The following USP40 variants were observed in gnomAD, a reference collection of about 807,000 sequenced individuals.
USP40 encodes ubiquitin specific peptidase 40.
USP40 carries 143 observed loss-of-function variants against 166.2 expected under a neutral mutation model. The ratio of observed to expected loss-of-function variants is 0.86; its 90% CI spans 0.75 to 0.99. The LOEUF (loss-of-function observed/expected upper bound fraction) is 0.99. Among genes scored for constraint, USP40 ranks in the 50% least tolerant of loss-of-function variants. The probability of loss-of-function intolerance (pLI) is 0.00; values close to 1 mark genes in which losing one functional copy is unlikely to be tolerated. For missense variants in USP40, 1,444 were observed against 1,479.7 expected (o/e 0.98, Z 0.40); for synonymous variants, 498 against 524.0 (o/e 0.95, Z 0.68).
At chr2:233,532,292 G>T (rs908020022) in intron 11 of USP40, among the ~76,000 whole-genome samples, 2 of 152,172 alleles carry the variant, frequency 1.3e-5, no homozygotes, top group Admixed American at 1.3e-4. Flanking sequence ...GTGTAACGTT[G>T]TAACTTCAAC....
intron 24 of USP40, among the ~76,000 whole-genome samples, chr2:233,494,848 A>C (rs1367618123): frequency 7.0e-6 from 1 of 143,232 alleles, no homozygotes; most frequent in Non-Finnish European, 1.5e-5. Flanking sequence ...AAAAACCAAA[A>C]AAAAAACTGT....
intron 18 of USP40, among the ~76,000 whole-genome samples, chr2:233,513,705 T>C (rs984156009): frequency 6.6e-6 from 1 of 152,226 alleles, no homozygotes; most frequent in African/African-American, 2.4e-5. Flanking sequence ...GGTGATTTTA[T>C]GCTTATTAAA....
chr2:233,539,286 G>T (rs1241947236), intron 10 of USP40, among the ~76,000 whole-genome samples: 1 of 151,240 alleles, frequency 6.6e-6, no homozygotes, highest in Admixed American at 6.6e-5. Flanking sequence ...CTTGTGAAAT[G>T]CTACATCCAA....
chr2:233,491,248 G>A lies in USP40; in HGVS notation c.2931C>T (p.Asn977=), dbSNP rs752845828. 1.7e-5 allele frequency: 28 copies of A among 1,611,406 alleles called. No individual in the cohort carries two copies. The highest frequency in any genetic ancestry group is 2.2e-5 in the East Asian group (1 of 44,860). The change falls in exon 26 of 32, where the codon AAC becomes AAT. Residue 977 remains asparagine, a synonymous_variant. Coordinates refer to ENST00000678225, the MANE Select transcript of USP40 (RefSeq NM_001365479.2). The stretch of plus-strand genomic sequence containing the variant: ...AGAGGAGAGAAACTTGCGCAGGCTC[G>A]TTCCCAGAAGCACCTTCCAAAGGAC... ...RATSSQGASG[N]EPAQVSLLYL...
In USP40 at chr2:233,523,048, T is replaced by C; in HGVS notation, c.2201+122A>G. On this transcript the variant is annotated intron_variant, in intron 16 of 31. Transcript: ENST00000678225. ...ATTCCTGTATGCAATATTTAGAACA[T>C]AATGTCTAGAAATAAAGAAACATTC... The C allele has an allele frequency of 1.6e-5, 18 of 1,106,786 alleles. No individual in the cohort carries two copies. The South Asian group carries it at 2.4e-4, about 15-fold the overall frequency. 68.6% of individuals were successfully genotyped at this position (1,106,786 alleles called of 1,614,324 possible).
chr2:233,496,096 T>C (rs1362289021), intron 24 of USP40, among the ~76,000 whole-genome samples: 2 of 151,996 alleles, frequency 1.3e-5, no homozygotes, highest in Non-Finnish European at 2.9e-5. Context: ...GGTGTAGGAG[T>C]GATTTCTGCT....
At chr2:233,534,698 G>C (rs1351341987) in intron 10 of USP40, among the ~76,000 whole-genome samples, 1 of 152,186 alleles carries the variant, frequency 6.6e-6, no homozygotes, top group Non-Finnish European at 1.5e-5. Flanking sequence ...CTTGCAGCTA[G>C]TTTGTTTAAG....
At position 233,476,946 on chromosome 2, in the gene USP40, C is replaced by G. The variant is rs2064208612; in HGVS notation, c.*446G>C. 1.4e-5 allele frequency: 4 copies of G among 293,784 alleles called. No homozygotes were observed. The highest frequency in any genetic ancestry group is 9.7e-5 in the South Asian group (3 of 31,078). The allele number at this position is 293,784 out of a possible 1,614,324, so 18.2% of individuals were successfully genotyped here. On this transcript the variant is annotated 3_prime_UTR_variant, in exon 32 of 32. Transcript: ENST00000678225. ...CAGCACCAGCGCGGTGGCGCAGTGG[C>G]CTGAGACACTGTGAGAAGCCGGTCA...
chr2:233,529,404 C>T, intron 12 of USP40, 27 bp downstream of exon 12: 1 of 1,539,662 alleles, frequency 6.5e-7, no homozygotes, highest in Non-Finnish European at 8.8e-7. Context: ...GAATACTAGT[C>T]AAACTCTAAA....
chr2:233,481,608 T>C (rs2064597189), intron 30 of USP40: 1 of 383,870 alleles, frequency 2.6e-6, no homozygotes, highest in Non-Finnish European at 4.8e-6. Context: ...ACAGAGATCA[T>C]CCACATCAGC....
intron 30 of USP40, chr2:233,481,612 C>T (rs1416379140): frequency 2.7e-6 from 1 of 368,876 alleles, no homozygotes; most frequent in African/African-American, 2.1e-5. Flanking sequence ...AGATCATCCA[C>T]ATCAGCACAC....
Position 233,498,529 on chromosome 2 carries a change from T to A in USP40, c.2715+19A>T, listed in dbSNP as rs750144689. 3.1e-6 allele frequency: 5 copies of A among 1,604,840 alleles called. No individual in the cohort carries two copies. In the Admixed American group the frequency reaches 8.6e-5, roughly 27 times the overall value. ...TAAATGTAATCATACGAAAGTACAA[T>A]GTATAGAAATCATCTTACTTCTTCA... On this transcript the variant is annotated intron_variant, in intron 23 of 31. Coordinates refer to ENST00000678225, the MANE Select transcript of USP40 (RefSeq NM_001365479.2).
chr2:233,499,952 T>G (rs750517366), intron 21 of USP40, 37 bp from the exon 22 acceptor site: 1 of 1,596,978 alleles, frequency 6.3e-7, no homozygotes, highest in Non-Finnish European at 8.6e-7. Context: ...TAGTTTTCTG[T>G]TTCTGAGTTA....
At chr2:233,550,221 A>G (rs1254553186) in intron 7 of USP40, among the ~76,000 whole-genome samples, 1 of 152,136 alleles carries the variant, frequency 6.6e-6, no homozygotes, top group Admixed American at 6.6e-5. Flanking sequence ...TACAGGCAAA[A>G]GACAAGGTGT....
intron 28 of USP40, chr2:233,487,822 C>G (rs560738030): frequency 6.9e-5 from 27 of 393,964 alleles, no homozygotes; most frequent in South Asian, 4.9e-4. Flanking sequence ...GAGACAGATA[C>G]TAACAAATAA....
chr2:233,559,309 G>C (rs1479588118), intron 4 of USP40, among the ~76,000 whole-genome samples: 1 of 152,186 alleles, frequency 6.6e-6, no homozygotes, highest in East Asian at 1.9e-4. Flanking sequence ...AAAAAGACCT[G>C]CCAAGAACCA....
At chr2:233,528,136 G>T (rs2068197891) in intron 12 of USP40, among the ~76,000 whole-genome samples, 1 of 152,048 alleles carries the variant, frequency 6.6e-6, no homozygotes, top group Non-Finnish European at 1.5e-5. Flanking sequence ...GTGCCACCAT[G>T]CCTGGCTAAT....
In USP40 at chr2:233,556,753, G is replaced by A. The variant is rs1029416843; in HGVS notation, c.546+102C>T. On this transcript the variant is annotated intron_variant, in intron 5 of 31. Coordinates refer to ENST00000678225, the MANE Select transcript of USP40 (RefSeq NM_001365479.2). ...AAAAAAACTCAATAAATTACTTTTA[G>A]TAATAAACACTTTAATCCTTGTGTG... The A allele has an allele frequency of 6.3e-6, 7 of 1,113,138 alleles. No homozygotes were observed. In the Admixed American group the frequency reaches 1.1e-4, roughly 17 times the overall value. 69.0% of individuals were successfully genotyped at this position (1,113,138 alleles called of 1,614,324 possible). A position where few individuals can be genotyped will look rare whatever the true frequency, so the allele number is the denominator to read the frequency against.
chr2:233,556,241 A>G (rs2071083729), intron 5 of USP40, among the ~76,000 whole-genome samples: 1 of 152,122 alleles, frequency 6.6e-6, no homozygotes, highest in Non-Finnish European at 1.5e-5. Context: ...TTGACTATAT[A>G]AGATTTGTAG....
Sources: allele counts gnomAD v4.1 joint callset (sites outside exome capture counted in the v4.1 genomes callset), GRCh38; gene constraint gnomAD v4.1.1; transcripts MANE v1.5; gene names NCBI Gene and HGNC (gene_info 2026-07-23, HGNC 2026-07-21).